CAST: variants seen among roughly 807,000 people sequenced by gnomAD.
CAST encodes the protein MIR583 host.
A neutral mutation model predicts 119.6 loss-of-function variants in CAST; 76 were observed. The ratio of observed to expected loss-of-function variants is 0.64; its 90% CI spans 0.53 to 0.77. The LOEUF is 0.77. Among genes scored for constraint, CAST ranks in the 30% least tolerant of loss-of-function variants. The probability of loss-of-function intolerance (pLI) is 0.00; values close to 1 mark genes in which losing one functional copy is unlikely to be tolerated. For missense variants in CAST, 953 were observed against 946.5 expected, an observed-to-expected ratio of 1.01 and a Z score of -0.09; for synonymous variants, 319 against 331.6, an observed-to-expected ratio of 0.96 and a Z score of 0.41.
the CAST span, among the ~76,000 whole-genome samples, chr5:96,388,241 T>TA: frequency 6.6e-6 from 1 of 152,242 alleles, no homozygotes; most frequent in African/African-American, 2.4e-5. Context: ...ACATTAATGA[T>TA]AGAGTAATGC....
chr5:96,299,270 CAACAACAACAACAACAACAACAAA>C, the CAST span, among the ~76,000 whole-genome samples: 2 of 149,344 alleles, frequency 1.3e-5, no homozygotes, highest in African/African-American at 5.1e-5. Context: ...ACAACAACAA[CAACAACAACAACAACAACAACAAA>C]CAAACAAAAA....
the CAST span, among the ~76,000 whole-genome samples, chr5:96,466,480 G>T: frequency 6.6e-6 from 1 of 152,084 alleles, no homozygotes; most frequent in South Asian, 2.1e-4. Flanking sequence ...GCCCTGCCTC[G>T]GTCCCTCGTG....
the CAST span, among the ~76,000 whole-genome samples, chr5:96,127,065 T>A: frequency 6.6e-6 from 1 of 152,250 alleles, no homozygotes; most frequent in Middle Eastern, 3.4e-3. Flanking sequence ...AACAGCTCAA[T>A]GTCCAAGGAC....
intron 1 of CAST, among the ~76,000 whole-genome samples, chr5:96,602,301 C>T (rs1747170004): frequency 6.6e-6 from 1 of 152,190 alleles, no homozygotes; most frequent in Non-Finnish European, 1.5e-5. Context: ...ATTTCACAAA[C>T]CTTTACATTT....
intron 1 of CAST, among the ~76,000 whole-genome samples, chr5:96,604,159 A>T (rs535643267): frequency 6.6e-6 from 1 of 152,262 alleles, no homozygotes; most frequent in African/African-American, 2.4e-5. Flanking sequence ...TGGCTACGAT[A>T]TGGCTAAGCA....
At chr5:96,468,724 G>A in the CAST span, among the ~76,000 whole-genome samples, 1 of 152,066 alleles carries the variant, frequency 6.6e-6, no homozygotes, top group South Asian at 2.1e-4. Context: ...AATTAGGAGT[G>A]AGAATGTAAG....
At chr5:96,085,834 C>T in the CAST span, among the ~76,000 whole-genome samples, 3 of 152,188 alleles carry the variant, frequency 2.0e-5, no homozygotes, top group Admixed American at 2.0e-4. Flanking sequence ...TGGCTACTTA[C>T]ATAATTAACA....
chr5:96,742,793 T>A, intron 16 of CAST, 37 bp downstream of exon 16: 1 of 1,439,284 alleles, frequency 6.9e-7, no homozygotes. Context: ...AGCTTGTTAG[T>A]CTGCACATTA....
At chr5:96,145,689 G>A in the CAST span, among the ~76,000 whole-genome samples, 1 of 152,330 alleles carries the variant, frequency 6.6e-6, no homozygotes, top group Non-Finnish European at 1.5e-5. Context: ...CAATAAAAGT[G>A]AATGTTTGAT....
chr5:96,029,749 T>G, the CAST span, among the ~76,000 whole-genome samples: 5 of 152,252 alleles, frequency 3.3e-5, no homozygotes, highest in East Asian at 9.6e-4. Flanking sequence ...GCAACCTGTA[T>G]GATGAAATTA....
intron 3 of CAST, among the ~76,000 whole-genome samples, chr5:96,707,205 G>GT (rs1326956136): frequency 6.6e-6 from 1 of 152,054 alleles, no homozygotes; most frequent in Non-Finnish European, 1.5e-5. Context: ...ACCTTTTGTC[G>GT]TTTTCCCTGG....
the CAST span, among the ~76,000 whole-genome samples, chr5:96,381,917 A>T: frequency 5.3e-5 from 8 of 152,214 alleles, no homozygotes; most frequent in African/African-American, 1.7e-4. Flanking sequence ...ATCAAGATAC[A>T]TAGAGTTATA....
chr5:96,650,154 T>C (rs1368047085), intron 1 of CAST, among the ~76,000 whole-genome samples: 1 of 152,206 alleles, frequency 6.6e-6, no homozygotes, highest in African/African-American at 2.4e-5. Flanking sequence ...TGTGTTTCCT[T>C]TAATTTCCTG....
intron 3 of CAST, among the ~76,000 whole-genome samples, chr5:96,719,103 C>A (rs1332626291): frequency 1.3e-5 from 2 of 152,162 alleles, no homozygotes; most frequent in African/African-American, 4.8e-5. Context: ...CCATCAGCTA[C>A]ATGTAGTGGC....
chr5:96,517,779 C>G, the CAST span, among the ~76,000 whole-genome samples: 1 of 152,198 alleles, frequency 6.6e-6, no homozygotes, highest in African/African-American at 2.4e-5. Flanking sequence ...TTCACTCTTT[C>G]CCTCATTCAT....
the CAST span, among the ~76,000 whole-genome samples, chr5:96,494,843 C>A: frequency 2.0e-5 from 3 of 152,114 alleles, no homozygotes; most frequent in Admixed American, 2.0e-4. Flanking sequence ...GTTGGCCGGG[C>A]GCAGTAGCTC....
chr5:96,697,286 C>T (rs1046195388), intron 3 of CAST, among the ~76,000 whole-genome samples: 20 of 151,890 alleles, frequency 1.3e-4, no homozygotes, highest in Non-Finnish European at 2.4e-4. Context: ...AACTATTTAA[C>T]GTAAGCTTTT....
the CAST span, among the ~76,000 whole-genome samples, chr5:96,467,897 G>C: frequency 6.6e-6 from 1 of 151,886 alleles, no homozygotes; most frequent in Non-Finnish European, 1.5e-5. Context: ...TCTACCCAAA[G>C]GAAAAAAAGT....
chr5:96,721,835 G>A (rs1429949062), intron 3 of CAST, among the ~76,000 whole-genome samples: 2 of 152,162 alleles, frequency 1.3e-5, no homozygotes, highest in African/African-American at 2.4e-5. Context: ...CTGGATCACA[G>A]GGGCTGATTG....
Sources: gnomAD v4.1 joint callset for allele counts (sites outside exome capture counted in the v4.1 genomes callset) on GRCh38, gnomAD v4.1.1 for gene constraint, MANE v1.5 for transcripts, NCBI Gene and HGNC (gene_info 2026-07-23, HGNC 2026-07-21) for gene names.